KAZN: variants seen among roughly 807,000 people sequenced by gnomAD.
The protein encoded by KAZN is kazrin, periplakin interacting protein.
A neutral mutation model predicts 87.4 loss-of-function variants in KAZN; 40 were observed. The ratio of observed to expected loss-of-function variants is 0.46; its 90% CI spans 0.36 to 0.60. KAZN has a LOEUF of 0.60. Ranked by LOEUF, KAZN falls within the 20% of genes least tolerant of loss-of-function variation. KAZN has a pLI of 0.00. For synonymous variants in KAZN, 466 were observed against 458.3 expected (o/e 1.02, Z -0.22); for missense variants, 898 against 1,073.9 (o/e 0.84, Z 2.29).
chr1:14,223,555 A>AT (rs1443403149), intron 2 of KAZN, among the ~76,000 whole-genome samples: 1 of 152,056 alleles, frequency 6.6e-6, no homozygotes, highest in East Asian at 1.9e-4. Context: ...TATCATTATA[A>AT]TTTTCTCTTT....
intron 2 of KAZN, among the ~76,000 whole-genome samples, chr1:14,987,833 G>A (rs1156918397): frequency 1.3e-5 from 2 of 152,262 alleles, no homozygotes; most frequent in African/African-American, 2.4e-5. Flanking sequence ...TAGATCAGGG[G>A]TGTAGGGATA....
intron 2 of KAZN, among the ~76,000 whole-genome samples, chr1:14,463,128 A>G (rs1667940947): frequency 6.6e-6 from 1 of 152,198 alleles, no homozygotes; most frequent in Non-Finnish European, 1.5e-5. Context: ...CAAATTGAGG[A>G]ATGGATTATT....
chr1:14,204,074 G>GTTACTGCT (rs987275609), intron 2 of KAZN, among the ~76,000 whole-genome samples: 2 of 152,194 alleles, frequency 1.3e-5, no homozygotes, highest in African/African-American at 2.4e-5. Flanking sequence ...TATTTTATGG[G>GTTACTGCT]TTACTGCTTT....
rs906826990 is a variant in KAZN, at chr1:14,445,321, C to G, written c.250-153662C>G. Among the ~76,000 whole-genome samples, 2 of 152,134 alleles carry G rather than the reference C, an allele frequency of 1.3e-5. 1 individual carries two copies. Among genetic ancestry groups the G allele is most frequent in the South Asian group, 4.2e-4 (2 of 4,812 alleles). On this transcript the variant is annotated intron_variant, in intron 2 of 16. Coordinates refer to the KAZN transcript ENST00000636203. ...GATTACAGGCATGAGCCACTGCACC[C>G]GGCCAACTGGTGTGCTTTTAAGAGG...
At chr1:14,947,607 C>A (rs1661984265) in intron 1 of KAZN, among the ~76,000 whole-genome samples, 1 of 152,268 alleles carries the variant, frequency 6.6e-6, no homozygotes, top group African/African-American at 2.4e-5. Flanking sequence ...TGGTTAGGAA[C>A]ATGAGCTTTG....
chr1:13,950,144 CTTTG>C (rs1249746506), intron 1 of KAZN, among the ~76,000 whole-genome samples: 1 of 152,224 alleles, frequency 6.6e-6, no homozygotes, highest in Non-Finnish European at 1.5e-5. Context: ...GCACCTGCTG[CTTTG>C]TTTGGGCTGC....
At chr1:15,003,216 G>C (rs1419400686) in intron 2 of KAZN, among the ~76,000 whole-genome samples, 1 of 152,146 alleles carries the variant, frequency 6.6e-6, no homozygotes, top group African/African-American at 2.4e-5. Flanking sequence ...ACCCCCGCTA[G>C]AGCTTTCCAG....
At chr1:14,371,390 A>T (rs981353780) in intron 2 of KAZN, among the ~76,000 whole-genome samples, 1 of 152,214 alleles carries the variant, frequency 6.6e-6, no homozygotes, top group Non-Finnish European at 1.5e-5. Flanking sequence ...AATGGAGACC[A>T]TGCTTTTAGG....
intron 2 of KAZN, among the ~76,000 whole-genome samples, chr1:15,009,935 T>C (rs1197406076): frequency 6.8e-6 from 1 of 147,966 alleles, no homozygotes; most frequent in Non-Finnish European, 1.5e-5. Context: ...ATAAGGACTC[T>C]TTTTAAGAAA....
chr1:14,237,797 A>G (rs4575079), intron 2 of KAZN, among the ~76,000 whole-genome samples: 3 of 152,170 alleles, frequency 2.0e-5, no homozygotes, highest in African/African-American at 7.2e-5. Flanking sequence ...CACGGACTGT[A>G]TCATGACAGT....
At chr1:13,992,442 A>C (rs1639328040) in intron 1 of KAZN, among the ~76,000 whole-genome samples, 1 of 152,158 alleles carries the variant, frequency 6.6e-6, no homozygotes. Context: ...CTCTGAAAAG[A>C]AATTCTCTCC....
At chr1:15,107,501 G>T (rs1641336295) in intron 13 of KAZN, among the ~76,000 whole-genome samples, 1 of 152,170 alleles carries the variant, frequency 6.6e-6, no homozygotes, top group Non-Finnish European at 1.5e-5. Context: ...AATCCTGGCT[G>T]TGTGACCCTG....
intron 1 of KAZN, among the ~76,000 whole-genome samples, chr1:13,973,896 C>T (rs754731512): frequency 5.9e-5 from 9 of 152,190 alleles, no homozygotes; most frequent in South Asian, 4.1e-4. Context: ...GGTGTCCCCA[C>T]GACCACCCAC....
intron 1 of KAZN, among the ~76,000 whole-genome samples, chr1:13,976,434 G>T (rs2101062722): frequency 6.6e-6 from 1 of 152,020 alleles, no homozygotes. Flanking sequence ...TCACAAAGGA[G>T]AAACATTATT....
chr1:14,175,772 C>T (rs1490786547), intron 1 of KAZN, among the ~76,000 whole-genome samples: 1 of 152,116 alleles, frequency 6.6e-6, no homozygotes, highest in Non-Finnish European at 1.5e-5. Context: ...GACGTGGGAA[C>T]TGAGGTACTC....
chr1:15,097,608 C>A lies in KAZN; in HGVS notation c.1547+2675C>A, dbSNP rs958502206. On this transcript the variant is annotated intron_variant, in intron 10 of 14. Coordinates refer to ENST00000376030, the MANE Select transcript of KAZN (RefSeq NM_201628.3). ...CCAAGGCAGGTGGATCACCTGACAT[C>A]AGGAGTTCGAGACCAGCCTAACCAA... Among the ~76,000 whole-genome samples, 3 of 152,100 alleles carry A rather than the reference C, an allele frequency of 2.0e-5. 1 individual carries two copies. The highest frequency in any genetic ancestry group is 6.5e-5 in the Admixed American group (1 of 15,282).
intron 2 of KAZN, among the ~76,000 whole-genome samples, chr1:14,230,404 CATAAG>C (rs1213365615): frequency 6.6e-6 from 1 of 152,162 alleles, no homozygotes; most frequent in African/African-American, 2.4e-5. Context: ...TTGCTGAACT[CATAAG>C]ATCCTTATGA....
At chr1:14,455,403 C>T (rs903448594) in intron 2 of KAZN, among the ~76,000 whole-genome samples, 1 of 152,152 alleles carries the variant, frequency 6.6e-6, no homozygotes, top group Admixed American at 6.6e-5. Context: ...ACTTTCCATC[C>T]TGTATTACAG....
chr1:14,557,629 GGTGTGTGTGTGT>G (rs59563758), intron 2 of KAZN, among the ~76,000 whole-genome samples: 13 of 137,880 alleles, frequency 9.4e-5, no homozygotes, highest in African/African-American at 1.9e-4. Flanking sequence ...GGTGTGTGTG[GGTGTGTGTGTGT>G]GTGTGTGTGT....
Sources: gnomAD v4.1 joint callset for allele counts (sites outside exome capture counted in the v4.1 genomes callset) on GRCh38, gnomAD v4.1.1 for gene constraint, MANE v1.5 for transcripts, NCBI Gene and HGNC (gene_info 2026-07-23, HGNC 2026-07-21) for gene names.